CLASP2: variants seen among roughly 807,000 people sequenced by gnomAD.
CLASP2 encodes the protein CLIP-associating protein 2.
A neutral mutation model predicts 194.4 loss-of-function variants in CLASP2; 47 were observed. The ratio of observed to expected loss-of-function variants is 0.24; its 90% confidence interval spans 0.19 to 0.31. The LOEUF (loss-of-function observed/expected upper bound fraction) is 0.31, where lower values mean the gene tolerates loss of function less well. Among genes scored for constraint, CLASP2 ranks in the 10% least tolerant of loss-of-function variants. CLASP2 has a pLI of 1.00. For missense variants in CLASP2, 1,445 were observed against 1,823.6 expected (o/e 0.79, Z 3.78); for synonymous variants, 619 against 633.5 (o/e 0.98, Z 0.34).
At chr3:33,499,890 T>C (rs1031685333) in intron 38 of CLASP2, among the ~76,000 whole-genome samples, 20 of 152,100 alleles carry the variant, frequency 1.3e-4, no homozygotes, top group African/African-American at 4.8e-4. Context: ...ATTCAGGTAT[T>C]TGGGTTACAG....
At chr3:33,659,225 T>C (rs2084868533) in intron 7 of CLASP2, 1 of 1,299,434 alleles carries the variant, frequency 7.7e-7, no homozygotes, top group Non-Finnish European at 9.7e-7. Flanking sequence ...CTAGAAGGAC[T>C]TGATTAAGAT....
chr3:33,657,583 G>A (rs1330862589), intron 7 of CLASP2, among the ~76,000 whole-genome samples: 2 of 151,060 alleles, frequency 1.3e-5, no homozygotes, highest in Admixed American at 1.3e-4. Flanking sequence ...TACAAATTAG[G>A]TTTGGTTTTT....
At chr3:33,700,519 A>C (rs2092300779) in intron 1 of CLASP2, among the ~76,000 whole-genome samples, 1 of 152,150 alleles carries the variant, frequency 6.6e-6, no homozygotes, top group Non-Finnish European at 1.5e-5. Flanking sequence ...TATTGAGTTT[A>C]GTAAAGTCAT....
intron 34 of CLASP2, among the ~76,000 whole-genome samples, chr3:33,529,850 C>T (rs1443971163): frequency 2.0e-5 from 3 of 151,752 alleles, no homozygotes; most frequent in Admixed American, 1.3e-4. Flanking sequence ...CAGTGGCGGG[C>T]GCCTGTAGTC....
intron 23 of CLASP2, among the ~76,000 whole-genome samples, chr3:33,580,341 C>T (rs2065775617): frequency 6.6e-6 from 1 of 152,096 alleles, no homozygotes; most frequent in Non-Finnish European, 1.5e-5. Flanking sequence ...GTAGGTGGAT[C>T]ACCTGAGGTC....
chr3:33,688,310 C>A lies in CLASP2; in HGVS notation c.437G>T (p.Gly146Val), dbSNP rs893813065. The A allele has an allele frequency of 1.3e-6, 2 of 1,591,818 alleles. No homozygotes were observed. The highest frequency in any genetic ancestry group is 1.7e-6 in the Non-Finnish European group (2 of 1,168,142). Residue 146 changes from glycine (G) to valine (V), a missense_variant, in exon 4 of 39, where the codon GGC becomes GTC. Physicochemically the swap from Gly to Val is moderately radical, Grantham distance 109. Around this residue, in one of 4 missense-constraint regions of CLASP2, gnomAD observed 332 missense variants for 325.3 expected, o/e 1.02. Transcript: ENST00000682230. Reference sequence around the variant, plus strand: ...GGTTTCAATAAGACACAGACACACGCCTTCTCGAGATCGAAAATTCTTGTG... The same window carrying A: ...GGTTTCAATAAGACACAGACACACGACTTCTCGAGATCGAAAATTCTTGTG... The part of the protein sequence containing the change: ...FKHKNFRSRE[G>V]VCLCLIETLN...
At chr3:33,655,612 GCTTT>G (rs2084026432) in intron 7 of CLASP2, among the ~76,000 whole-genome samples, 1 of 152,122 alleles carries the variant, frequency 6.6e-6, no homozygotes, top group Non-Finnish European at 1.5e-5. Flanking sequence ...TCAAATGGTT[GCTTT>G]CTTTCATTAA....
At chr3:33,515,127 G>A (rs1032396162) in intron 36 of CLASP2, among the ~76,000 whole-genome samples, 2 of 152,126 alleles carry the variant, frequency 1.3e-5, no homozygotes, top group Admixed American at 6.5e-5. Context: ...AGTGTACACC[G>A]CTAGGGTGAC....
intron 10 of CLASP2, among the ~76,000 whole-genome samples, chr3:33,623,262 T>C (rs1265480965): frequency 6.6e-6 from 1 of 152,196 alleles, no homozygotes; most frequent in Non-Finnish European, 1.5e-5. Context: ...GTTCTTTCCG[T>C]TAGGAACATT....
chr3:33,614,112 A>T (rs567022606), intron 12 of CLASP2, among the ~76,000 whole-genome samples: 1 of 152,352 alleles, frequency 6.6e-6, no homozygotes, highest in African/African-American at 2.4e-5. Flanking sequence ...CTCTTAGGAA[A>T]TAAACAAAGC....
intron 6 of CLASP2, among the ~76,000 whole-genome samples, chr3:33,675,984 A>T (rs982847467): frequency 6.6e-6 from 1 of 151,406 alleles, no homozygotes; most frequent in Non-Finnish European, 1.5e-5. Flanking sequence ...GGAAGAATCA[A>T]TATCGTGAAA....
chr3:33,577,240 G>C, intron 23 of CLASP2: 1 of 1,598,076 alleles, frequency 6.3e-7, no homozygotes, highest in East Asian at 2.2e-5. Flanking sequence ...GAGGGCACCA[G>C]TTGATCTGGA....
intron 32 of CLASP2, among the ~76,000 whole-genome samples, chr3:33,541,113 T>C (rs2058279994): frequency 6.6e-6 from 1 of 152,102 alleles, no homozygotes; most frequent in South Asian, 2.1e-4. Flanking sequence ...GACAGAAATA[T>C]CATTTGAGCC....
rs1480367740 is a variant in CLASP2 at position 33,675,767 on chromosome 3, A to G, written c.644+8592T>C. Among the ~76,000 whole-genome samples the G allele has an allele frequency of 1.4e-5, 2 of 142,408 alleles. 1 individual carries two copies. The highest frequency in any genetic ancestry group is 4.3e-4 in the East Asian group (2 of 4,604). The allele number at this position is 142,408 out of a possible 152,430, so 93.4% of individuals were successfully genotyped here. ...CAGGATACAAAATCAATGTACAAAA[A>G]TCACAAGCATTCTTATATACCAATA... is the stretch of plus-strand genomic sequence containing the variant. On this transcript the variant is annotated intron_variant, in intron 6 of 38. Transcript: ENST00000682230.
intron 6 of CLASP2, among the ~76,000 whole-genome samples, chr3:33,669,826 A>C (rs2086827787): frequency 6.6e-6 from 1 of 152,336 alleles, no homozygotes; most frequent in African/African-American, 2.4e-5. Flanking sequence ...GTGATAATAC[A>C]AATGGGATAC....
intron 1 of CLASP2, among the ~76,000 whole-genome samples, chr3:33,702,960 A>C (rs1466202583): frequency 6.6e-6 from 1 of 152,216 alleles, no homozygotes; most frequent in Non-Finnish European, 1.5e-5. Flanking sequence ...CTTCACCAAA[A>C]ATTAACTCAA....
At chr3:33,595,657 A>G (rs980025483) in intron 19 of CLASP2, among the ~76,000 whole-genome samples, 8 of 152,074 alleles carry the variant, frequency 5.3e-5, no homozygotes, top group African/African-American at 1.2e-4. Context: ...AACACATCAT[A>G]TAACAGTAGT....
intron 1 of CLASP2, among the ~76,000 whole-genome samples, chr3:33,715,689 A>G (rs1575820976): frequency 6.6e-6 from 1 of 152,114 alleles, no homozygotes; most frequent in East Asian, 1.9e-4. Context: ...TAACACAATG[A>G]CTGTTAAGAC....
At chr3:33,671,904 T>C (rs550044048) in intron 6 of CLASP2, among the ~76,000 whole-genome samples, 13 of 152,130 alleles carry the variant, frequency 8.5e-5, no homozygotes, top group African/African-American at 1.9e-4. Context: ...GTGCCCGCCA[T>C]TGCCCAGGCT....
Sources: allele counts gnomAD v4.1 joint callset (sites outside exome capture counted in the v4.1 genomes callset), GRCh38; gene constraint gnomAD v4.1.1; regional missense constraint gnomAD v4.1.1; transcripts MANE v1.5; gene names NCBI Gene and HGNC (gene_info 2026-07-23, HGNC 2026-07-21).